Variants in PCDHGA4 observed in about 807,000 individuals in gnomAD.
The protein encoded by PCDHGA4 is protocadherin gamma-A4.
Under a neutral mutation model 54.6 loss-of-function variants are expected in PCDHGA4, and 38 were observed. The ratio of observed to expected loss-of-function variants is 0.70; its 90% CI spans 0.54 to 0.91. The LOEUF is 0.91. Ranked by LOEUF, PCDHGA4 falls within the 40% of genes least tolerant of loss-of-function variation. The pLI is 0.00. For missense variants in PCDHGA4, 1,298 were observed against 1,220.9 expected, an observed-to-expected ratio of 1.06 and a Z score of -0.94; for synonymous variants, 511 against 512.9, an observed-to-expected ratio of 1.00 and a Z score of 0.05.
At chr5:141,362,052 C>T (rs1344893342) in intron 1 of PCDHGA4, 1 of 1,611,434 alleles carries the variant, frequency 6.2e-7, no homozygotes, top group African/African-American at 1.3e-5. Context: ...ACGCGGCCCG[C>T]CAGCGCCTGC....
intron 1 of PCDHGA4, chr5:141,408,051 C>G (rs894200228): frequency 3.2e-5 from 41 of 1,264,370 alleles, no homozygotes; most frequent in African/African-American, 1.1e-4. Flanking sequence ...CCACACAGAG[C>G]CTCCCGGCTG....
intron 1 of PCDHGA4, among the ~76,000 whole-genome samples, chr5:141,453,288 ATTATTTAT>A (rs577328880): frequency 6.6e-6 from 1 of 151,342 alleles, no homozygotes; most frequent in Non-Finnish European, 1.5e-5. Context: ...TAATTTTTTA[ATTATTTAT>A]TTATTTATTT....
At chr5:141,463,335 A>G (rs565781645) in intron 1 of PCDHGA4, among the ~76,000 whole-genome samples, 3 of 149,628 alleles carry the variant, frequency 2.0e-5, no homozygotes, top group South Asian at 2.1e-4. Context: ...CAGCAAAACC[A>G]TGGTGTTATT....
Position 141,432,830 on chromosome 5 carries a change from C to G in PCDHGA4, c.2515-61977C>G, listed in dbSNP as rs780093171. On this transcript the variant is annotated intron_variant, in intron 1 of 3. Coordinates refer to ENST00000571252, the MANE Select transcript of PCDHGA4 (RefSeq NM_018917.4). The surrounding 1 kb of genome is among the most constrained non-coding windows in gnomAD (Gnocchi z 6.0). ...TAACTCTGAAACCTCAGACCTCACT[C>G]TGTACCTGGTGGTAGCGGTGGCCGC... 4 of 1,614,208 alleles carry G rather than the reference C, an allele frequency of 2.5e-6. No individual in the cohort carries two copies. The highest frequency in any genetic ancestry group is 2.2e-5 in the East Asian group (1 of 44,874).
At chr5:141,364,767 C>A (rs868142397) in intron 1 of PCDHGA4, 3 of 1,613,760 alleles carry the variant, frequency 1.9e-6, no homozygotes, top group African/African-American at 1.3e-5. Flanking sequence ...AATGAAAATG[C>A]GGCTGCAGGG....
At chr5:141,394,364 G>A (rs1293513120) in intron 1 of PCDHGA4, 1 of 1,614,186 alleles carries the variant, frequency 6.2e-7, no homozygotes. Flanking sequence ...TGTATGCGCT[G>A]CAATCTTTCG....
chr5:141,407,355 A>C (rs991392072), intron 1 of PCDHGA4, among the ~76,000 whole-genome samples: 8 of 152,198 alleles, frequency 5.3e-5, no homozygotes, highest in Non-Finnish European at 1.0e-4. Context: ...TTTGGGGAAA[A>C]CATAACAGAT....
chr5:141,431,401 C>T lies in PCDHGA4; in HGVS notation c.2515-63406C>T. ...CTGCTCACCACCTGGTCCTTACGGC[C>T]TCCGACGGGGGCGACCCGGTGCGCA... On this transcript the variant is annotated intron_variant, in intron 1 of 3. Transcript: ENST00000571252. The surrounding 1 kb of genome is among the most constrained non-coding windows in gnomAD (Gnocchi z 4.8). 2 of 1,613,800 alleles carry T rather than the reference C, an allele frequency of 1.2e-6. No homozygotes were observed. Among genetic ancestry groups the T allele is most frequent in the Admixed American group, 1.7e-5 (1 of 60,036 alleles).
At chr5:141,428,635 G>A (rs1411119011) in intron 1 of PCDHGA4, 1 of 180,288 alleles carries the variant, frequency 5.5e-6, no homozygotes, top group Non-Finnish European at 1.2e-5. Context: ...TAACTCTGTT[G>A]CTCCTACTCA....
chr5:141,504,130 C>T (rs1334901812), intron 2 of PCDHGA4, among the ~76,000 whole-genome samples: 1 of 152,154 alleles, frequency 6.6e-6, no homozygotes, highest in African/African-American at 2.4e-5. Flanking sequence ...TGTTTCCCGC[C>T]AACACTCCCC....
chr5:141,464,310 A>T lies in PCDHGA4; in HGVS notation c.2515-30497A>T, dbSNP rs1327900308. ...AAAAAACTCCATTGTATGTGCACAT[A>T]TCATTATCTGTTCAACCCATCTATG... On this transcript the variant is annotated intron_variant, in intron 1 of 3. Coordinates refer to ENST00000571252, the MANE Select transcript of PCDHGA4 (RefSeq NM_018917.4). 2.0e-5 allele frequency among the ~76,000 whole-genome samples: 3 copies of T among 151,494 alleles called. No homozygotes were observed. The East Asian group carries it at 5.8e-4, about 29-fold the overall frequency.
intron 1 of PCDHGA4, among the ~76,000 whole-genome samples, chr5:141,453,293 T>TTATG: frequency 6.6e-6 from 1 of 151,872 alleles, no homozygotes; most frequent in Non-Finnish European, 1.5e-5. Flanking sequence ...TTTTAATTAT[T>TTATG]TATTTATTTA....
At chr5:141,480,195 G>A (rs1350891459) in intron 1 of PCDHGA4, among the ~76,000 whole-genome samples, 1 of 151,182 alleles carries the variant, frequency 6.6e-6, no homozygotes, top group Non-Finnish European at 1.5e-5. Context: ...CTTGAGGCCA[G>A]CAGTTCAAGA....
intron 1 of PCDHGA4, chr5:141,417,508 TATTTTGGCTGTCAACTCGTAG>T: frequency 4.2e-6 from 1 of 237,898 alleles, no homozygotes; most frequent in East Asian, 9.1e-5. Flanking sequence ...AAGATTAAAA[TATTTTGGCTGTCAACTCGTAG>T]TTTAAAAAAA....
intron 1 of PCDHGA4, among the ~76,000 whole-genome samples, chr5:141,482,828 T>G (rs1274498876): frequency 4.4e-5 from 6 of 135,272 alleles, no homozygotes; most frequent in Non-Finnish European, 9.5e-5. Flanking sequence ...TCCTAGCACT[T>G]TGGGAGGCCA....
At chr5:141,385,426 T>G (rs1781187652) in intron 1 of PCDHGA4, 1 of 1,460,770 alleles carries the variant, frequency 6.8e-7, no homozygotes. Flanking sequence ...TTAAAAAACT[T>G]TATAGAGGTA....
chr5:141,404,973 A>T, intron 1 of PCDHGA4: 1 of 1,613,952 alleles, frequency 6.2e-7, no homozygotes, highest in South Asian at 1.1e-5. Flanking sequence ...ATCCTGGCTG[A>T]CCTGGGCAGT....
At chr5:141,423,354 C>A in intron 1 of PCDHGA4, 1 of 1,614,202 alleles carries the variant, frequency 6.2e-7, no homozygotes. Context: ...TGGTCTTTGT[C>A]ATCGTGCTGC....
chr5:141,485,118 G>C lies in PCDHGA4; in HGVS notation c.2515-9689G>C, dbSNP rs547390669. 1 of 1,331,536 alleles carries C rather than the reference G, an allele frequency of 7.5e-7. No homozygotes were observed. Among genetic ancestry groups the C allele is most frequent in the East Asian group, 2.3e-5 (1 of 43,534 alleles). The allele number at this position is 1,331,536 out of a possible 1,614,324, so 82.5% of individuals were successfully genotyped here. On this transcript the variant is annotated intron_variant, in intron 1 of 3. Coordinates refer to ENST00000571252, the MANE Select transcript of PCDHGA4 (RefSeq NM_018917.4). The surrounding 1 kb of genome is among the most constrained non-coding windows in gnomAD (Gnocchi z 5.7). ...TCTCCAGCTGCTGTGGCTGTTTGGG[G>C]CGGGTCGGCTTCATCCGCGTCTCAG...
Sources: allele counts gnomAD v4.1 joint callset (sites outside exome capture counted in the v4.1 genomes callset), GRCh38; gene constraint gnomAD v4.1.1; non-coding constraint Gnocchi (gnomAD v3.1); transcripts MANE v1.5; gene names NCBI Gene and HGNC (gene_info 2026-07-23, HGNC 2026-07-21).